MAD1L1: variants seen among roughly 807,000 people sequenced by gnomAD.
The protein encoded by MAD1L1 is mitotic spindle assembly checkpoint protein MAD1.
MAD1L1 carries 95 observed loss-of-function variants against 96.9 expected under a neutral mutation model. The ratio of observed to expected loss-of-function variants is 0.98; its 90% CI spans 0.83 to 1.16. MAD1L1 has a LOEUF of 1.16. Ranked by LOEUF, MAD1L1 falls within the 50% of genes most tolerant of loss-of-function variation. The pLI is 0.00. For missense variants in MAD1L1, 1,007 were observed against 954.4 expected (o/e 1.06, Z -0.73); for synonymous variants, 473 against 396.6 (o/e 1.19, Z -2.29).
At chr7:2,152,872 G>C (rs900075789) in intron 10 of MAD1L1, among the ~76,000 whole-genome samples, 1 of 152,228 alleles carries the variant, frequency 6.6e-6, no homozygotes, top group Non-Finnish European at 1.5e-5. Flanking sequence ...GGCCGGGAGA[G>C]GACATGCACC....
chr7:1,883,222 G>A (rs1427168836), intron 18 of MAD1L1, among the ~76,000 whole-genome samples: 3 of 150,676 alleles, frequency 2.0e-5, no homozygotes, highest in South Asian at 2.1e-4. Flanking sequence ...CAAACCTTGT[G>A]CCACAAACGG....
chr7:2,210,263 T>C (rs938395541), intron 10 of MAD1L1, among the ~76,000 whole-genome samples: 1 of 151,866 alleles, frequency 6.6e-6, no homozygotes, highest in African/African-American at 2.4e-5. Context: ...ACACACGGGG[T>C]CTCAACTGCG....
chr7:2,020,184 CGCCCAGCCCGGGGAGGCAGT>C (rs1782723358), intron 12 of MAD1L1, among the ~76,000 whole-genome samples: 1 of 152,170 alleles, frequency 6.6e-6, no homozygotes, highest in Non-Finnish European at 1.5e-5. Context: ...CCGGGGTCAG[CGCCCAGCCCGGGGAGGCAGT>C]GCCATGGACA....
Position 1,816,242 on chromosome 7 carries a change from A to C in MAD1L1, c.1999-14T>G, listed in dbSNP as rs1370484667. On this transcript the variant is annotated splice_polypyrimidine_tract_variant and intron_variant, in intron 18 of 18. Transcript: ENST00000265854. ...GGGGCTGGTGGCCTGCGGGGCAGTCAAGAAAGAGACAAGACAGCGGTCAGC... is the reference window on the plus strand; with the variant it reads ...GGGGCTGGTGGCCTGCGGGGCAGTCCAGAAAGAGACAAGACAGCGGTCAGC... The C allele has an allele frequency of 4.4e-6, 7 of 1,601,544 alleles. No individual in the cohort carries two copies. Among genetic ancestry groups the C allele is most frequent in the Non-Finnish European group, 5.9e-6 (7 of 1,177,086 alleles).
At chr7:2,200,004 G>A (rs766323238) in intron 10 of MAD1L1, among the ~76,000 whole-genome samples, 7 of 152,194 alleles carry the variant, frequency 4.6e-5, no homozygotes, top group Non-Finnish European at 8.8e-5. Context: ...ACAAAGGCCC[G>A]AGGGCAAGGG....
At chr7:2,161,957 ACCCCG>A (rs1409794717) in intron 10 of MAD1L1, among the ~76,000 whole-genome samples, 1 of 134,498 alleles carries the variant, frequency 7.4e-6, no homozygotes, top group Non-Finnish European at 1.6e-5. Flanking sequence ...CCGGCCAGCC[ACCCCG>A]TCCGGGAGGT....
intron 18 of MAD1L1, among the ~76,000 whole-genome samples, chr7:1,853,283 C>A (rs555051374): frequency 5.3e-5 from 8 of 152,278 alleles, no homozygotes; most frequent in African/African-American, 1.9e-4. Flanking sequence ...ACAGGCCTGG[C>A]GAGAAGGCCC....
At chr7:2,215,810 G>A (rs902065854) in intron 9 of MAD1L1, 75 bp downstream of exon 9, 99 of 1,361,510 alleles carry the variant, frequency 7.3e-5, no homozygotes, top group Middle Eastern at 5.4e-4. Flanking sequence ...GCTGGTGGGC[G>A]TGACCACAAT....
At chr7:2,140,835 C>T (rs750879109) in intron 11 of MAD1L1, among the ~76,000 whole-genome samples, 2 of 152,238 alleles carry the variant, frequency 1.3e-5, no homozygotes, top group Non-Finnish European at 2.9e-5. Flanking sequence ...AAAGTGATTG[C>T]ATTTGGGATG....
chr7:2,106,808 C>T (rs1037898984), intron 11 of MAD1L1, among the ~76,000 whole-genome samples: 5 of 152,202 alleles, frequency 3.3e-5, no homozygotes, highest in African/African-American at 9.7e-5. Context: ...ATGCTGCAGC[C>T]GGCTCTCTCA....
chr7:1,944,932 G>A lies in MAD1L1; in HGVS notation c.1597-8035C>T, dbSNP rs547468638. 1.6e-4 allele frequency among the ~76,000 whole-genome samples: 24 copies of A among 152,362 alleles called. No individual in the cohort carries two copies. In the South Asian group the frequency reaches 5.0e-3, roughly 32 times the overall value. On this transcript the variant is annotated intron_variant, in intron 16 of 18. Transcript: ENST00000265854. The stretch of plus-strand genomic sequence containing the variant: ...CAGGGGACCGGCTGGCCTGGCTTCT[G>A]TGGCTTGGCAGCCCCTGCAAGTGCA...
intron 17 of MAD1L1, among the ~76,000 whole-genome samples, chr7:1,898,635 G>A (rs113999690): frequency 0.018 from 2,807 of 152,240 alleles, 77 homozygotes; most frequent in African/African-American, 0.063. Flanking sequence ...CATTAAGAAC[G>A]GTAACTCTGA....
At chr7:2,196,809 A>C (rs1354086631) in intron 10 of MAD1L1, among the ~76,000 whole-genome samples, 8 of 152,054 alleles carry the variant, frequency 5.3e-5, no homozygotes, top group African/African-American at 1.9e-4. Flanking sequence ...CTCAATTCTA[A>C]CTCTCACTAC....
At chr7:1,818,580 G>GCC (rs1328940481) in intron 18 of MAD1L1, among the ~76,000 whole-genome samples, 1 of 151,398 alleles carries the variant, frequency 6.6e-6, no homozygotes, top group East Asian at 1.9e-4. Context: ...ATAGACTTTA[G>GCC]CTATTTTGCC....
intron 18 of MAD1L1, among the ~76,000 whole-genome samples, chr7:1,885,667 C>A (rs960969298): frequency 2.0e-5 from 3 of 152,220 alleles, no homozygotes; most frequent in African/African-American, 7.2e-5. Context: ...AGAGCTGTTG[C>A]CATGACAACC....
At chr7:1,894,324 T>C (rs1786732251) in intron 18 of MAD1L1, among the ~76,000 whole-genome samples, 2 of 152,154 alleles carry the variant, frequency 1.3e-5, no homozygotes, top group East Asian at 1.9e-4. Flanking sequence ...AGGGAGCCTT[T>C]GAAAGCTCCC....
At chr7:1,988,133 C>G (rs568781476) in intron 14 of MAD1L1, among the ~76,000 whole-genome samples, 2 of 152,330 alleles carry the variant, frequency 1.3e-5, no homozygotes, top group East Asian at 1.9e-4. Context: ...GAGCAGCGTG[C>G]GGAAGCACGG....
At chr7:2,062,927 G>A (rs998962291) in intron 12 of MAD1L1, among the ~76,000 whole-genome samples, 4 of 152,284 alleles carry the variant, frequency 2.6e-5, no homozygotes, top group African/African-American at 9.6e-5. Context: ...AAAGGATAAC[G>A]CTAAGATAAA....
chr7:2,047,097 C>CGA (rs1783959078), intron 12 of MAD1L1, among the ~76,000 whole-genome samples: 1 of 152,206 alleles, frequency 6.6e-6, no homozygotes, highest in African/African-American at 2.4e-5. Context: ...AAACAGTCTT[C>CGA]GGCTAAGGCC....
Sources: gnomAD v4.1 joint callset for allele counts (sites outside exome capture counted in the v4.1 genomes callset) on GRCh38, gnomAD v4.1.1 for gene constraint, MANE v1.5 for transcripts, NCBI Gene and HGNC (gene_info 2026-07-23, HGNC 2026-07-21) for gene names.